The following SLIT3 variants were observed in gnomAD, a reference collection of about 807,000 sequenced individuals.
The protein encoded by SLIT3 is slit homolog 3 protein.
Under a neutral mutation model 184.0 loss-of-function variants are expected in SLIT3, and 68 were observed. The observed-to-expected ratio is 0.37, with a 90% confidence interval of 0.30 to 0.45. SLIT3 has a LOEUF of 0.45. SLIT3 is among the 20% of genes least tolerant of loss of function. The pLI is 1.00. For synonymous variants in SLIT3, 831 were observed against 828.6 expected, an observed-to-expected ratio of 1.00 and a Z score of -0.05; for missense variants, 1,707 against 2,026.0, an observed-to-expected ratio of 0.84 and a Z score of 3.02.
chr5:168,825,749 A>G (rs1757682119), intron 6 of SLIT3, among the ~76,000 whole-genome samples: 1 of 152,170 alleles, frequency 6.6e-6, no homozygotes, highest in African/African-American at 2.4e-5. Context: ...ATCAAACAAC[A>G]CTGAAGAATT....
At chr5:169,058,312 TTACTGTGCTGC>T (rs1282938714) in intron 4 of SLIT3, among the ~76,000 whole-genome samples, 1 of 152,214 alleles carries the variant, frequency 6.6e-6, no homozygotes, top group African/African-American at 2.4e-5. Flanking sequence ...ACCTGCTTGC[TTACTGTGCTGC>T]TTAGGGTTCC....
chr5:168,666,292 G>T lies in SLIT3; in HGVS notation c.*162C>A. On this transcript the variant is annotated 3_prime_UTR_variant, in exon 36 of 36. Coordinates refer to ENST00000519560, the MANE Select transcript of SLIT3 (RefSeq NM_003062.4). The stretch of plus-strand genomic sequence containing the variant: ...TAGTCACTTTCCATAATAAAAATAA[G>T]TTCTATTTTTTGTTTATTTTACAAT... 1 of 585,800 alleles carries T rather than the reference G, an allele frequency of 1.7e-6. No individual in the cohort carries two copies. Among genetic ancestry groups the T allele is most frequent in the Non-Finnish European group, 2.7e-6 (1 of 369,954 alleles). 36.3% of individuals were successfully genotyped at this position (585,800 alleles called of 1,614,324 possible). A position where few individuals can be genotyped will look rare whatever the true frequency, so the allele number is the denominator to read the frequency against.
intron 1 of SLIT3, among the ~76,000 whole-genome samples, chr5:169,280,442 G>T (rs943672901): frequency 6.6e-6 from 1 of 152,042 alleles, no homozygotes; most frequent in Non-Finnish European, 1.5e-5. Context: ...CTCCCCACAG[G>T]CAAGCGGCCT....
chr5:169,283,673 C>T (rs1274631716), intron 1 of SLIT3, among the ~76,000 whole-genome samples: 1 of 152,172 alleles, frequency 6.6e-6, no homozygotes, highest in Non-Finnish European at 1.5e-5. Context: ...AATTTCACAG[C>T]CACATGATGA....
chr5:168,760,898 G>A lies in SLIT3; in HGVS notation c.1649C>T (p.Thr550Ile), dbSNP rs1212598221. 3 of 1,614,056 alleles carry A rather than the reference G, an allele frequency of 1.9e-6. No individual in the cohort carries two copies. The highest frequency in any genetic ancestry group is 2.5e-6 in the Non-Finnish European group (3 of 1,179,918). The change falls in exon 16 of 36, where the codon ACT becomes ATT. Residue 550 changes from threonine to isoleucine, a missense_variant. Thr to Ile is a moderately conservative substitution (Grantham distance 89). Transcript: ENST00000519560. ...NDNEVSVLEA[T>I]GIFKKLPNLR... is the part of the protein sequence containing the mutation. ...GTTGGGCAACTTCTTGAAGATGCCA[G>A]TGGCCTCCAGAACAGATACCTCATT... is the stretch of plus-strand genomic sequence containing the variant.
intron 15 of SLIT3, among the ~76,000 whole-genome samples, chr5:168,761,524 A>C (rs879696906): frequency 1.3e-4 from 20 of 152,070 alleles, no homozygotes; most frequent in Admixed American, 1.3e-4. Context: ...CCATGCTTGC[A>C]TCATCTTTCT....
At chr5:169,157,590 T>A (rs899292151) in intron 4 of SLIT3, among the ~76,000 whole-genome samples, 1 of 152,114 alleles carries the variant, frequency 6.6e-6, no homozygotes, top group Non-Finnish European at 1.5e-5. Flanking sequence ...AAAAGCCAGC[T>A]AAAACAGAAG....
At chr5:169,242,178 C>T (rs1344163732) in intron 3 of SLIT3, among the ~76,000 whole-genome samples, 8 of 152,186 alleles carry the variant, frequency 5.3e-5, no homozygotes. Flanking sequence ...ACCAGATTAA[C>T]GCCTATCAGG....
At chr5:168,996,813 G>A (rs568405297) in intron 4 of SLIT3, among the ~76,000 whole-genome samples, 3 of 152,174 alleles carry the variant, frequency 2.0e-5, no homozygotes, top group Non-Finnish European at 2.9e-5. Flanking sequence ...ATATTTTTAC[G>A]GCTTCCGCTG....
intron 5 of SLIT3, among the ~76,000 whole-genome samples, chr5:168,870,691 C>G (rs1759483235): frequency 6.6e-6 from 1 of 152,184 alleles, no homozygotes; most frequent in Admixed American, 6.5e-5. Context: ...GATTATTTAT[C>G]AAGTCCAGTG....
rs1561962519 is a variant in SLIT3, at chr5:168,842,468, C to CATTT, written c.557+2115_557+2116insAAAT. ...CTGGTGCATCTGGATACCGTTTTTTCGTTTTTTTTTTTTTTTTTTGTATCT... is the reference window on the plus strand; with the variant it reads ...CTGGTGCATCTGGATACCGTTTTTTCATTTGTTTTTTTTTTTTTTTTTTGTATCT... On this transcript the variant is annotated intron_variant, in intron 6 of 35. Coordinates refer to ENST00000519560, the MANE Select transcript of SLIT3 (RefSeq NM_003062.4). Among the ~76,000 whole-genome samples the CATTT allele has an allele frequency of 6.5e-5, 4 of 61,320 alleles. No individual in the cohort carries two copies. The East Asian group carries it at 1.9e-3, about 29-fold the overall frequency. The allele number at this position is 61,320 out of a possible 152,430, so 40.2% of individuals were successfully genotyped here. A position where few individuals can be genotyped will look rare whatever the true frequency, so the allele number is the denominator to read the frequency against.
chr5:168,716,169 G>A (rs1174973319), intron 23 of SLIT3, among the ~76,000 whole-genome samples: 1 of 152,120 alleles, frequency 6.6e-6, no homozygotes. Flanking sequence ...TAGAGACAGT[G>A]TTTCACCCTG....
At chr5:169,019,328 C>T (rs1345931514) in intron 4 of SLIT3, among the ~76,000 whole-genome samples, 1 of 152,254 alleles carries the variant, frequency 6.6e-6, no homozygotes, top group African/African-American at 2.4e-5. Context: ...TCTTGACTCT[C>T]TGCCCTTTGC....
intron 4 of SLIT3, among the ~76,000 whole-genome samples, chr5:169,152,516 C>G (rs1762150041): frequency 6.6e-6 from 1 of 152,164 alleles, no homozygotes; most frequent in African/African-American, 2.4e-5. Context: ...TGTCTGGGCA[C>G]CGCCTCGTGG....
chr5:168,678,318 T>C (rs1172337478), intron 32 of SLIT3, among the ~76,000 whole-genome samples: 1 of 152,108 alleles, frequency 6.6e-6, no homozygotes, highest in Admixed American at 6.6e-5. Context: ...GATGCCTCCA[T>C]TTCTACTTGC....
chr5:168,933,696 C>T (rs1413912047), intron 4 of SLIT3, among the ~76,000 whole-genome samples: 1 of 152,044 alleles, frequency 6.6e-6, no homozygotes, highest in Non-Finnish European at 1.5e-5. Context: ...GTCTCTAGCT[C>T]CGAAGCATTG....
At chr5:168,773,618 G>A (rs2113539461) in intron 13 of SLIT3, among the ~76,000 whole-genome samples, 1 of 152,272 alleles carries the variant, frequency 6.6e-6, no homozygotes, top group Admixed American at 6.5e-5. Flanking sequence ...GCATGGGGCT[G>A]AGGTCTATGC....
intron 4 of SLIT3, among the ~76,000 whole-genome samples, chr5:169,114,540 A>G (rs938208439): frequency 6.6e-6 from 1 of 152,182 alleles, no homozygotes; most frequent in Non-Finnish European, 1.5e-5. Context: ...TAAACTCAAG[A>G]TTGCTGCAGT....
chr5:168,688,016 A>G (rs776069262), intron 29 of SLIT3, among the ~76,000 whole-genome samples: 1 of 152,232 alleles, frequency 6.6e-6, no homozygotes, highest in Non-Finnish European at 1.5e-5. Flanking sequence ...TGCCCCAGCT[A>G]AAACCTGGCC....
Sources: allele counts gnomAD v4.1 joint callset (sites outside exome capture counted in the v4.1 genomes callset), GRCh38; gene constraint gnomAD v4.1.1; transcripts MANE v1.5; gene names NCBI Gene and HGNC (gene_info 2026-07-23, HGNC 2026-07-21).